The following CDH12 variants were observed in gnomAD, a reference collection of about 807,000 sequenced individuals.
CDH12 encodes cadherin-12.
Under a neutral mutation model 74.1 loss-of-function variants are expected in CDH12, and 41 were observed. The ratio of observed to expected loss-of-function variants is 0.55; its 90% confidence interval spans 0.43 to 0.72. The LOEUF is 0.72. Among genes scored for constraint, CDH12 ranks in the 30% least tolerant of loss-of-function variants. The pLI is 0.00. For synonymous variants in CDH12, 399 were observed against 355.0 expected, an observed-to-expected ratio of 1.12 and a Z score of -1.39; for missense variants, 945 against 977.2, an observed-to-expected ratio of 0.97 and a Z score of 0.44.
rs550248775 is a variant in CDH12, at chr5:22,145,792, A to G, written c.-187+66706T>C. On this transcript the variant is annotated intron_variant, in intron 4 of 14. Transcript: ENST00000382254. The stretch of plus-strand genomic sequence containing the variant: ...GGACATCGAAGGTACAAAATAGAGC[A>G]CTGATGAAGGAGTGAATTATCATCT... 4.7e-3 allele frequency among the ~76,000 whole-genome samples: 714 copies of G among 152,178 alleles called. 7 individuals are homozygous for G. The highest frequency in any genetic ancestry group is 0.016 in the African/African-American group (683 of 41,574).
intron 3 of CDH12, among the ~76,000 whole-genome samples, chr5:22,311,395 AG>A (rs1368243472): frequency 2.6e-5 from 4 of 152,242 alleles, no homozygotes; most frequent in Non-Finnish European, 5.9e-5. Context: ...GCAGCTATTC[AG>A]GAACAAAATA....
intron 3 of CDH12, among the ~76,000 whole-genome samples, chr5:22,400,860 G>A (rs953127199): frequency 1.3e-5 from 2 of 151,924 alleles, no homozygotes; most frequent in Admixed American, 6.6e-5. Flanking sequence ...CCTGATGACT[G>A]GAATTAATTA....
intron 3 of CDH12, among the ~76,000 whole-genome samples, chr5:22,311,257 T>A (rs759669213): frequency 1.3e-5 from 2 of 152,168 alleles, no homozygotes; most frequent in Non-Finnish European, 2.9e-5. Flanking sequence ...AGTAGGATTT[T>A]AAAGAAGAAG....
intron 1 of CDH12, among the ~76,000 whole-genome samples, chr5:22,688,122 T>C (rs1221539261): frequency 1.3e-5 from 2 of 152,026 alleles, no homozygotes; most frequent in Admixed American, 1.3e-4. Context: ...ATAGTCCCGT[T>C]TCATTGTGTG....
intron 1 of CDH12, among the ~76,000 whole-genome samples, chr5:22,673,000 T>C (rs2126916917): frequency 6.6e-6 from 1 of 152,276 alleles, no homozygotes; most frequent in Non-Finnish European, 1.5e-5. Context: ...TCTATCTTTC[T>C]GATTTGGGGC....
At chr5:22,726,522 T>A (rs190022199) in intron 1 of CDH12, among the ~76,000 whole-genome samples, 1 of 151,966 alleles carries the variant, frequency 6.6e-6, no homozygotes, top group Admixed American at 6.6e-5. Flanking sequence ...TTTCATTTTT[T>A]AAGAAACTGC....
intron 6 of CDH12, among the ~76,000 whole-genome samples, chr5:21,974,779 T>A (rs1756990593): frequency 1.3e-5 from 2 of 152,144 alleles, no homozygotes; most frequent in South Asian, 4.1e-4. Context: ...ACTATATAGG[T>A]GTCTGGAATT....
At position 21,799,025 on chromosome 5, in the gene CDH12, A is replaced by G. The variant is rs191951208; in HGVS notation, c.1256+3142T>C. ...ATTCTGTTAAAGGTTCAGAAAGAAAAGAGAACTGTAGAGAAAGATTCTGTC... is the reference window on the plus strand; with the variant it reads ...ATTCTGTTAAAGGTTCAGAAAGAAAGGAGAACTGTAGAGAAAGATTCTGTC... On this transcript the variant is annotated intron_variant, in intron 10 of 14. Transcript: ENST00000382254. 3.0e-3 allele frequency among the ~76,000 whole-genome samples: 455 copies of G among 152,306 alleles called. 1 individual carries two copies. Among genetic ancestry groups the G allele is most frequent in the Non-Finnish European group, 4.9e-3 (333 of 68,022 alleles).
intron 1 of CDH12, among the ~76,000 whole-genome samples, chr5:22,597,743 T>TA (rs1004541488): frequency 3.3e-5 from 5 of 152,002 alleles, no homozygotes; most frequent in East Asian, 1.9e-4. Flanking sequence ...GCTAAATGAG[T>TA]AAAAAAATGT....
At position 21,752,027 on chromosome 5, in the gene CDH12, A is replaced by C; in HGVS notation, c.2095T>G (p.Cys699Gly). 1 of 1,614,110 alleles carries C rather than the reference A, an allele frequency of 6.2e-7. No individual in the cohort carries two copies. The highest frequency in any genetic ancestry group is 1.7e-5 in the Admixed American group (1 of 59,998). Residue 699 changes from cysteine (C) to glycine (G), a missense_variant, in exon 15 of 15, where the codon TGT becomes GGT. Physicochemically the swap from Cys to Gly is radical, Grantham distance 159 (BLOSUM62 -3). Around this residue, in one of 3 missense-constraint regions of CDH12, gnomAD observed 791 missense variants for 792.8 expected, o/e 1.00. Transcript: ENST00000382254. ...ATGGGTGGTCTCTGACGAGGTAAAC[A>C]GAGAGAGTCTGGTTTTATATCCCTG... ...IRRDIKPDSL[C>G]LPRQRPPMED...
At chr5:22,152,064 T>C (rs1278647997) in intron 4 of CDH12, 1 of 152,122 alleles carries the variant, frequency 6.6e-6, no homozygotes, top group Non-Finnish European at 1.5e-5. Context: ...GCTGTGGGCC[T>C]GCTAAGCCTT....
intron 1 of CDH12, among the ~76,000 whole-genome samples, chr5:22,715,036 T>C (rs1197531931): frequency 6.6e-6 from 1 of 152,226 alleles, no homozygotes; most frequent in Non-Finnish European, 1.5e-5. Flanking sequence ...AGTACAAGTA[T>C]GTTTCTAAAC....
intron 3 of CDH12, among the ~76,000 whole-genome samples, chr5:22,274,207 T>A (rs1210592213): frequency 6.6e-6 from 1 of 152,112 alleles, no homozygotes; most frequent in Admixed American, 6.6e-5. Context: ...ATGTTTTTTG[T>A]CAAAGTAAAT....
intron 3 of CDH12, among the ~76,000 whole-genome samples, chr5:22,216,647 C>T (rs1751813510): frequency 6.6e-6 from 1 of 151,882 alleles, no homozygotes; most frequent in Non-Finnish European, 1.5e-5. Context: ...ATGTATTATA[C>T]ATATTTCTGC....
At chr5:21,781,342 G>A (rs1745896555) in intron 11 of CDH12, among the ~76,000 whole-genome samples, 1 of 152,110 alleles carries the variant, frequency 6.6e-6, no homozygotes, top group Non-Finnish European at 1.5e-5. Context: ...GACACCCAGA[G>A]CCCCCAACAG....
chr5:22,459,029 A>G (rs1745400596), intron 2 of CDH12, among the ~76,000 whole-genome samples: 1 of 152,158 alleles, frequency 6.6e-6, no homozygotes, highest in Non-Finnish European at 1.5e-5. Context: ...TATTGCTATA[A>G]TCACTGTACG....
chr5:22,205,252 A>G (rs1751155767), intron 4 of CDH12, among the ~76,000 whole-genome samples: 1 of 152,228 alleles, frequency 6.6e-6, no homozygotes, highest in African/African-American at 2.4e-5. Flanking sequence ...TAAACTCTGT[A>G]ACAGACACTA....
intron 1 of CDH12, among the ~76,000 whole-genome samples, chr5:22,514,510 C>T (rs1267129157): frequency 1.3e-5 from 2 of 149,320 alleles, no homozygotes; most frequent in Non-Finnish European, 3.0e-5. Context: ...AGCCTATACA[C>T]TTAAAAAAAA....
At chr5:22,363,749 G>A (rs1740917973) in intron 3 of CDH12, among the ~76,000 whole-genome samples, 1 of 152,170 alleles carries the variant, frequency 6.6e-6, no homozygotes, top group Non-Finnish European at 1.5e-5. Context: ...TCTTTGGGAA[G>A]TAAAGACATG....
Sources: allele counts gnomAD v4.1 joint callset (sites outside exome capture counted in the v4.1 genomes callset), GRCh38; gene constraint gnomAD v4.1.1; regional missense constraint gnomAD v4.1.1; transcripts MANE v1.5; gene names NCBI Gene and HGNC (gene_info 2026-07-23, HGNC 2026-07-21).